The following SMCHD1 variants were observed in gnomAD, a reference collection of about 807,000 sequenced individuals.
SMCHD1 encodes structural maintenance of chromosomes flexible hinge domain containing 1.
SMCHD1 carries 78 observed loss-of-function variants against 254.7 expected under a neutral mutation model. The observed-to-expected ratio is 0.31, with a 90% CI of 0.26 to 0.37. The LOEUF (loss-of-function observed/expected upper bound fraction) is 0.37. SMCHD1 is among the 10% of genes least tolerant of loss of function. The pLI, the probability that SMCHD1 is intolerant of heterozygous loss-of-function variation, is 1.00. For synonymous variants in SMCHD1, 766 were observed against 794.9 expected, an observed-to-expected ratio of 0.96 and a Z score of 0.61; for missense variants, 1,840 against 2,408.1, an observed-to-expected ratio of 0.76 and a Z score of 4.94.
At chr18:2,709,246 A>ATATATATATATATATATG (rs759808617) in intron 17 of SMCHD1, among the ~76,000 whole-genome samples, 8,483 of 107,080 alleles carry the variant, frequency 0.079, 374 homozygotes, top group Non-Finnish European at 0.12. Flanking sequence ...ATATATATAT[A>ATATATATATATATATATG]TATACACACA....
Position 2,703,686 on chromosome 18 carries a change from C to G in SMCHD1, c.1648-6C>G. 6.3e-7 allele frequency: 1 copy of G among 1,599,166 alleles called. No individual in the cohort carries two copies. ...ATATTTCATAAAACATTTTAAAATTCTACAGGAACAGCGAATGAAAATTGA... is the reference window on the plus strand; with the variant it reads ...ATATTTCATAAAACATTTTAAAATTGTACAGGAACAGCGAATGAAAATTGA... On this transcript the variant is annotated splice_region_variant and splice_polypyrimidine_tract_variant and intron_variant, in intron 12 of 47. Transcript: ENST00000320876.
intron 45 of SMCHD1, 141 bp downstream of exon 45, chr18:2,784,762 C>A: frequency 2.2e-6 from 2 of 913,450 alleles, no homozygotes; most frequent in Non-Finnish European, 3.4e-6. Flanking sequence ...TTTTTGTCTA[C>A]TACTTTCAGC....
At chr18:2,698,539 T>G (rs535113068) in intron 10 of SMCHD1, among the ~76,000 whole-genome samples, 21 of 152,204 alleles carry the variant, frequency 1.4e-4, no homozygotes, top group African/African-American at 5.1e-4. Flanking sequence ...TATTTATTTA[T>G]TTAAATTTTT....
Position 2,729,709 on chromosome 18 carries a change from C to CTT in SMCHD1, c.3048+313_3048+314dup, listed in dbSNP as rs72203094. On this transcript the variant is annotated intron_variant, in intron 24 of 47. Coordinates refer to ENST00000320876, the MANE Select transcript of SMCHD1 (RefSeq NM_015295.3). ...TAAAATACATAATTTTATTCTTTCG[C>CTT]TTTTTTTTTTTTTTAAAGAGATAGG... Among the ~76,000 whole-genome samples, 406 of 140,490 alleles carry CTT rather than the reference C, an allele frequency of 2.9e-3. 3 individuals carry two copies. The highest frequency in any genetic ancestry group is 5.5e-3 in the African/African-American group (209 of 38,120). The allele number at this position is 140,490 out of a possible 152,430, so 92.2% of individuals were successfully genotyped here.
At chr18:2,685,017 C>A (rs188031439) in intron 5 of SMCHD1, among the ~76,000 whole-genome samples, 1 of 151,438 alleles carries the variant, frequency 6.6e-6, no homozygotes, top group East Asian at 1.9e-4. Context: ...GGCTTCTTCT[C>A]AACTTCCTGA....
At chr18:2,737,462 T>A (rs2075272622) in intron 25 of SMCHD1, among the ~76,000 whole-genome samples, 1 of 152,186 alleles carries the variant, frequency 6.6e-6, no homozygotes. Context: ...GGCTCACACA[T>A]GTAATCCCAG....
chr18:2,758,559 T>C (rs1388948162), intron 34 of SMCHD1, among the ~76,000 whole-genome samples: 1 of 152,214 alleles, frequency 6.6e-6, no homozygotes, highest in Non-Finnish European at 1.5e-5. Context: ...TCATCTGGTA[T>C]TGTTTTCCAT....
At position 2,740,757 on chromosome 18, in the gene SMCHD1, C is replaced by A; in HGVS notation, c.3569C>A (p.Ser1190Tyr). The A allele has an allele frequency of 6.2e-7, 1 of 1,611,826 alleles. No individual in the cohort carries two copies. Among genetic ancestry groups the A allele is most frequent in the Non-Finnish European group, 8.5e-7 (1 of 1,178,706 alleles). Residue 1190 changes from serine (S) to tyrosine (Y), a missense_variant, in exon 28 of 48, where the codon TCT (serine) becomes TAT (tyrosine). Physicochemically the swap from Ser to Tyr is moderately radical, Grantham distance 144. Coordinates refer to ENST00000320876, the MANE Select transcript of SMCHD1 (RefSeq NM_015295.3). ...CAGATTCAAGCATTTTCACCAAGTT[C>A]TTTATCTTCTTTGTCAATTGCTGGG... ...GNQIQAFSPS[S>Y]LSSLSIAGVG...
chr18:2,751,186 A>G (rs1436639564), intron 32 of SMCHD1, 92 bp from the exon 33 acceptor site: 3 of 670,896 alleles, frequency 4.5e-6, no homozygotes, highest in Non-Finnish European at 5.1e-6. Context: ...TTAAACATTT[A>G]AATAAGATGT....
chr18:2,795,805 G>GAT, intron 45 of SMCHD1, 144 bp from the exon 46 acceptor site: 1 of 567,854 alleles, frequency 1.8e-6, no homozygotes, highest in African/African-American at 2.0e-5. Flanking sequence ...TATTTCATTT[G>GAT]TTTATATTGA....
chr18:2,740,768 TTG>T lies in SMCHD1; in HGVS notation c.3582_3583del (p.Leu1194PhefsTer8), dbSNP rs1404222677. ...ATTTTCACCAAGTTCTTTATCTTCTTTGTCAATTGCTGGGGTTGGACTTGATA... is the reference window on the plus strand; with the variant it reads ...ATTTTCACCAAGTTCTTTATCTTCTTTCAATTGCTGGGGTTGGACTTGATA... ...QAFSPSSLSS[L>X]SIAGVGLDSS... On this transcript the variant is annotated frameshift_variant, in exon 28 of 48. Transcript: ENST00000320876. LOFTEE classifies it high-confidence loss of function. 1 of 1,612,144 alleles carries T rather than the reference TTG, an allele frequency of 6.2e-7. No homozygotes were observed.
intron 45 of SMCHD1, among the ~76,000 whole-genome samples, chr18:2,789,343 C>T (rs974796679): frequency 1.3e-5 from 2 of 152,044 alleles, no homozygotes; most frequent in Non-Finnish European, 2.9e-5. Flanking sequence ...TGCCTGGCTA[C>T]AGCCTTGTTT....
intron 7 of SMCHD1, among the ~76,000 whole-genome samples, chr18:2,692,630 C>T (rs772699136): frequency 2.6e-5 from 4 of 152,212 alleles, no homozygotes; most frequent in Non-Finnish European, 5.9e-5. Context: ...TCATGTTTAT[C>T]GTATGTCCTA....
chr18:2,735,108 A>G (rs1036613776), intron 25 of SMCHD1, among the ~76,000 whole-genome samples: 9 of 152,056 alleles, frequency 5.9e-5, no homozygotes, highest in Non-Finnish European at 1.0e-4. Context: ...AGTAGGCTTT[A>G]TTTTTGAGAT....
chr18:2,720,231 C>A (rs1250994820), intron 19 of SMCHD1, among the ~76,000 whole-genome samples: 3 of 152,030 alleles, frequency 2.0e-5, no homozygotes, highest in Admixed American at 2.0e-4. Flanking sequence ...TTTTTACTAC[C>A]TTATTGGAGA....
At chr18:2,669,005 A>G (rs1445958412) in intron 3 of SMCHD1, among the ~76,000 whole-genome samples, 2 of 151,736 alleles carry the variant, frequency 1.3e-5, no homozygotes, top group Admixed American at 6.6e-5. Flanking sequence ...CTCCTGAATG[A>G]CTAGGACTAC....
chr18:2,678,281 CTCTTTCTT>C (rs57339914), intron 5 of SMCHD1, among the ~76,000 whole-genome samples: 4 of 95,134 alleles, frequency 4.2e-5, no homozygotes, highest in Admixed American at 1.3e-4. Flanking sequence ...CTCCCTCTCT[CTCTTTCTT>C]TCTTTCTTTC....
In SMCHD1 at chr18:2,802,723, C is replaced by G; in HGVS notation, c.*171C>G. ...TCAGATGGGACTGGAAACAACCATT[C>G]AATTTTATGAATCTTACTGGACATT... is the stretch of plus-strand genomic sequence containing the variant. On this transcript the variant is annotated 3_prime_UTR_variant, in exon 48 of 48. Coordinates refer to ENST00000320876, the MANE Select transcript of SMCHD1 (RefSeq NM_015295.3). 2.0e-6 allele frequency: 1 copy of G among 501,826 alleles called. No homozygotes were observed. Among genetic ancestry groups the G allele is most frequent in the Non-Finnish European group, 3.5e-6 (1 of 285,684 alleles). The allele number at this position is 501,826 out of a possible 1,614,324, so 31.1% of individuals were successfully genotyped here.
intron 25 of SMCHD1, among the ~76,000 whole-genome samples, chr18:2,735,251 T>G (rs960487849): frequency 1.3e-5 from 2 of 152,058 alleles, no homozygotes; most frequent in African/African-American, 4.8e-5. Flanking sequence ...CATCCCTTAG[T>G]GATAAAAGCC....
Sources: gnomAD v4.1 joint callset for allele counts (sites outside exome capture counted in the v4.1 genomes callset) on GRCh38, gnomAD v4.1.1 for gene constraint, MANE v1.5 for transcripts, NCBI Gene and HGNC (gene_info 2026-07-23, HGNC 2026-07-21) for gene names.